The following CFAP54 variants were observed in gnomAD, a reference collection of about 807,000 sequenced individuals.
CFAP54 encodes the protein cilia- and flagella-associated protein 54.
CFAP54 carries 290 observed loss-of-function variants against 370.4 expected under a neutral mutation model. The observed-to-expected ratio is 0.78, with a 90% CI of 0.71 to 0.86. The LOEUF is 0.86. Among genes scored for constraint, CFAP54 ranks in the 40% least tolerant of loss-of-function variants. The pLI is 0.00. For synonymous variants in CFAP54, 1,206 were observed against 1,236.5 expected (o/e 0.98, Z 0.52); for missense variants, 3,399 against 3,528.7 (o/e 0.96, Z 0.93).
intron 55 of CFAP54, among the ~76,000 whole-genome samples, chr12:96,747,784 T>C (rs1355323169): frequency 6.6e-6 from 1 of 152,208 alleles, no homozygotes; most frequent in Non-Finnish European, 1.5e-5. Flanking sequence ...ATTTTCCCTA[T>C]ATATTTGAAA....
chr12:96,577,168 G>A (rs778428532), intron 20 of CFAP54, among the ~76,000 whole-genome samples: 2 of 152,172 alleles, frequency 1.3e-5, no homozygotes, highest in African/African-American at 2.4e-5. Context: ...AGCAGAGTGT[G>A]TAAAATTTAG....
At chr12:96,575,770 G>A (rs1955969095) in intron 19 of CFAP54, among the ~76,000 whole-genome samples, 1 of 152,070 alleles carries the variant, frequency 6.6e-6, no homozygotes, top group Non-Finnish European at 1.5e-5. Flanking sequence ...GTGTGAAGTA[G>A]GAGTTGAACT....
At chr12:96,648,067 C>A in intron 34 of CFAP54, 50 bp downstream of exon 34, 1 of 1,351,424 alleles carries the variant, frequency 7.4e-7, no homozygotes, top group South Asian at 1.5e-5. Context: ...GATTTTTATT[C>A]ACTAAACAAC....
intron 6 of CFAP54, among the ~76,000 whole-genome samples, chr12:96,519,638 AAATT>A (rs1225801422): frequency 3.3e-5 from 5 of 152,252 alleles, no homozygotes; most frequent in African/African-American, 1.2e-4. Context: ...GGAATTTTAA[AAATT>A]AAGATTTTTA....
intron 47 of CFAP54, among the ~76,000 whole-genome samples, chr12:96,706,444 TG>T (rs1315351020): frequency 6.6e-6 from 1 of 152,004 alleles, no homozygotes; most frequent in Non-Finnish European, 1.5e-5. Flanking sequence ...GAAAGGTAAG[TG>T]AAAAGGCCCT....
chr12:96,792,613 C>T, intron 63 of CFAP54, 114 bp downstream of exon 63: 2 of 719,004 alleles, frequency 2.8e-6, no homozygotes, highest in East Asian at 2.9e-5. Context: ...GAACAGGTAT[C>T]AATATATAAT....
At chr12:96,500,725 G>A in intron 1 of CFAP54, 109 bp from the exon 2 acceptor site, 1 of 615,584 alleles carries the variant, frequency 1.6e-6, no homozygotes, top group Non-Finnish European at 2.7e-6. Flanking sequence ...TAACAATAAG[G>A]CACATTGGAA....
chr12:96,768,757 A>C (rs764029587), intron 60 of CFAP54, among the ~76,000 whole-genome samples: 1 of 152,240 alleles, frequency 6.6e-6, no homozygotes, highest in Non-Finnish European at 1.5e-5. Flanking sequence ...AAAGTGCCAC[A>C]AGCTAAATCC....
At chr12:96,602,630 C>A (rs980277750) in intron 26 of CFAP54, among the ~76,000 whole-genome samples, 1 of 152,186 alleles carries the variant, frequency 6.6e-6, no homozygotes, top group African/African-American at 2.4e-5. Context: ...CTTTATGAAT[C>A]TGGGTGCTCC....
chr12:96,646,128 C>T (rs1326944855), intron 33 of CFAP54: 2 of 152,040 alleles, frequency 1.3e-5, no homozygotes, highest in Non-Finnish European at 2.9e-5. Context: ...AGAGCTTCTG[C>T]ACAGCAAAAA....
intron 17 of CFAP54, among the ~76,000 whole-genome samples, chr12:96,558,107 G>A (rs1041069254): frequency 2.6e-5 from 4 of 152,140 alleles, no homozygotes; most frequent in African/African-American, 9.7e-5. Context: ...TACTGCTAAT[G>A]TTCCAGTTCT....
intron 32 of CFAP54, among the ~76,000 whole-genome samples, chr12:96,634,689 T>A (rs113997820): frequency 0.016 from 2,394 of 152,280 alleles, 76 homozygotes; most frequent in African/African-American, 0.055. Context: ...GTCCTTTTTT[T>A]CCCCTGCTAA....
intron 32 of CFAP54, among the ~76,000 whole-genome samples, chr12:96,640,203 C>T (rs1220362380): frequency 6.6e-6 from 1 of 152,188 alleles, no homozygotes; most frequent in East Asian, 1.9e-4. Context: ...CCAAAATCTC[C>T]TTAAGCTGAT....
rs745519356 is a variant in CFAP54, at chr12:96,743,427, C to A, written c.7245C>A (p.Ser2415Arg). The A allele has an allele frequency of 1.8e-5, 29 of 1,613,838 alleles. No homozygotes were observed. The Middle Eastern group carries it at 4.9e-4, about 27-fold the overall frequency. Reference protein sequence around the residue: ...VKEDDMTDCLSLINEVCMEAK... With the variant: ...VKEDDMTDCLRLINEVCMEAK... ...AGGATGATATGACAGATTGCCTGAG[C>A]CTCATCAATGAAGTGTGTATGGAGG... Residue 2415 changes from serine to arginine, a missense_variant, in exon 53 of 68, where the codon AGC becomes AGA. Transcript: ENST00000524981.
intron 63 of CFAP54, among the ~76,000 whole-genome samples, chr12:96,808,463 G>A (rs1459851030): frequency 6.6e-6 from 1 of 152,128 alleles, no homozygotes; most frequent in Non-Finnish European, 1.5e-5. Context: ...GAAAGGATAA[G>A]GCATGGAAGG....
chr12:96,644,712 G>A (rs910153821), intron 33 of CFAP54, among the ~76,000 whole-genome samples: 1 of 152,142 alleles, frequency 6.6e-6, no homozygotes, highest in Non-Finnish European at 1.5e-5. Flanking sequence ...AGAAGTGCAA[G>A]GGAAATACCA....
At chr12:96,854,230 C>G (rs1959635950) in intron 66 of CFAP54, among the ~76,000 whole-genome samples, 1 of 151,998 alleles carries the variant, frequency 6.6e-6, no homozygotes, top group African/African-American at 2.4e-5. Context: ...CCATAATAAT[C>G]ATGGTAAACA....
chr12:96,776,913 C>G (rs1457238420), intron 60 of CFAP54, among the ~76,000 whole-genome samples: 1 of 152,106 alleles, frequency 6.6e-6, no homozygotes, highest in Non-Finnish European at 1.5e-5. Flanking sequence ...CACCACAATT[C>G]CTATCAGAAA....
intron 23 of CFAP54, among the ~76,000 whole-genome samples, chr12:96,591,470 G>A (rs1252325084): frequency 1.3e-5 from 2 of 152,188 alleles, no homozygotes; most frequent in Non-Finnish European, 2.9e-5. Context: ...ATTGTGGAGT[G>A]TGGAGAAAAG....
Sources: allele counts gnomAD v4.1 joint callset (sites outside exome capture counted in the v4.1 genomes callset), GRCh38; gene constraint gnomAD v4.1.1; transcripts MANE v1.5; gene names NCBI Gene and HGNC (gene_info 2026-07-23, HGNC 2026-07-21).